APOOL: variants seen among roughly 807,000 people sequenced by gnomAD.
APOOL encodes the protein MICOS complex subunit MIC27.
Under a neutral mutation model 23.1 loss-of-function variants are expected in APOOL, and 12 were observed. That is an observed-to-expected ratio of 0.52 (90% CI 0.33 to 0.84). The LOEUF is 0.84. Among genes scored for constraint, APOOL ranks in the 40% least tolerant of loss-of-function variants. The probability of loss-of-function intolerance (pLI) is 0.02; values close to 1 mark genes in which losing one functional copy is unlikely to be tolerated. For synonymous variants in APOOL, 77 were observed against 69.9 expected, an observed-to-expected ratio of 1.10 and a Z score of -0.51; for missense variants, 212 against 199.6, an observed-to-expected ratio of 1.06 and a Z score of -0.37.
intron 2 of APOOL, among the ~76,000 whole-genome samples, chrX:85,047,780 G>A (rs1050580183): frequency 1.8e-5 from 2 of 110,847 alleles, no homozygotes; most frequent in African/African-American, 6.5e-5. Context: ...ATCTCTTCCC[G>A]CTTTAAGTCA....
chrX:85,069,483 G>A (rs1255505276), intron 6 of APOOL, among the ~76,000 whole-genome samples: 3 of 108,498 alleles, frequency 2.8e-5, no homozygotes, highest in Non-Finnish European at 5.7e-5. Flanking sequence ...GGTGGCAGGC[G>A]CCTGCAATTC....
intron 1 of APOOL, among the ~76,000 whole-genome samples, chrX:85,025,553 G>T (rs1395629323): frequency 8.9e-6 from 1 of 112,281 alleles, no homozygotes; most frequent in Non-Finnish European, 1.9e-5. Flanking sequence ...ATAAAAGACA[G>T]GTTTTTTATT....
At chrX:85,036,065 G>T (rs1922206603) in intron 1 of APOOL, among the ~76,000 whole-genome samples, 1 of 112,136 alleles carries the variant, frequency 8.9e-6, no homozygotes, top group South Asian at 3.7e-4. Context: ...AATTGCTTTG[G>T]GCAGTGTGAC....
chrX:85,060,477 C>T (rs1305976298), intron 5 of APOOL, among the ~76,000 whole-genome samples: 1 of 108,413 alleles, frequency 9.2e-6, no homozygotes, highest in Non-Finnish European at 1.9e-5. Context: ...GGCAGTATGG[C>T]CATTTTCATG....
At position 85,092,133 on chromosome X, in the gene APOOL, A is replaced by C. The variant is rs1924535503; in HGVS notation, c.*4455A>C. 3.6e-6 allele frequency: 1 copy of C among 277,415 alleles called. No individual in the cohort carries two copies. The highest frequency in any genetic ancestry group is 6.0e-5 in the Admixed American group (1 of 16,804). The allele number at this position is 277,415 out of a possible 1,213,427, so 22.9% of individuals were successfully genotyped here. ...TGATGAAATATGATAGGTAAAAAAT[A>C]GCGCAAAGCTAAGTATAAGTGACTT... On this transcript the variant is annotated 3_prime_UTR_variant, in exon 9 of 9. Transcript: ENST00000373173.
At chrX:85,060,403 C>T (rs1170719579) in intron 5 of APOOL, among the ~76,000 whole-genome samples, 1 of 107,092 alleles carries the variant, frequency 9.3e-6, no homozygotes, top group East Asian at 2.9e-4. Flanking sequence ...AGTTTTTTTC[C>T]AATTCTGTGA....
At chrX:85,057,092 C>T (rs1386915828) in intron 5 of APOOL, among the ~76,000 whole-genome samples, 3 of 111,765 alleles carry the variant, frequency 2.7e-5, no homozygotes, top group South Asian at 3.7e-4. Context: ...GGATGTGCCA[C>T]GGTTTACTTT....
rs1219741948 is a variant in APOOL, at chrX:85,015,705, A to G, written c.15+11778A>G. Among the ~76,000 whole-genome samples the G allele has an allele frequency of 2.8e-4, 30 of 109,012 alleles. No homozygotes were observed. The Admixed American group carries it at 3.0e-3, about 11-fold the overall frequency. 94.7% of individuals were successfully genotyped at this position (109,012 alleles called of 115,157 possible). A position where few individuals can be genotyped will look rare whatever the true frequency, so the allele number is the denominator to read the frequency against. ...TGCCTCAGCCTCCCGAGTACCTGGG[A>G]TTATAGGTGTGTGCCACCACGCACG... On this transcript the variant is annotated intron_variant, in intron 1 of 8. Coordinates refer to ENST00000373173, the MANE Select transcript of APOOL (RefSeq NM_198450.6).
At chrX:85,031,247 G>A (rs1486137966) in intron 1 of APOOL, among the ~76,000 whole-genome samples, 2 of 111,528 alleles carry the variant, frequency 1.8e-5, no homozygotes, top group Non-Finnish European at 3.8e-5. Flanking sequence ...CTCCACAAAT[G>A]CTTGGTATAT....
intron 1 of APOOL, among the ~76,000 whole-genome samples, chrX:85,005,394 A>AACCCCCCCCC: frequency 3.9e-4 from 1 of 2,595 alleles, no homozygotes. Context: ...CTCGTGATTC[A>AACCCCCCCCC]CCCCCCCCCC....
chrX:85,019,178 G>C (rs917399628), intron 1 of APOOL, among the ~76,000 whole-genome samples: 1 of 111,972 alleles, frequency 8.9e-6, no homozygotes, highest in Non-Finnish European at 1.9e-5. Flanking sequence ...ATGATCAGTG[G>C]CTGCTATGGT....
intron 5 of APOOL, among the ~76,000 whole-genome samples, chrX:85,060,767 T>G (rs773713275): frequency 9.0e-6 from 1 of 111,625 alleles, no homozygotes; most frequent in African/African-American, 3.3e-5. Flanking sequence ...GTATCAGCTT[T>G]AGGAGATTTT....
intron 5 of APOOL, 76 bp downstream of exon 5, chrX:85,056,001 C>T (rs1481291336): frequency 9.6e-6 from 7 of 727,920 alleles, no homozygotes; most frequent in Middle Eastern, 3.1e-4. Context: ...GAGAAAACCT[C>T]ATATGCTTTA....
At chrX:85,054,280 A>G in intron 3 of APOOL, 64 bp from the exon 4 acceptor site, 2 of 1,022,622 alleles carry the variant, frequency 2.0e-6, no homozygotes, top group South Asian at 2.2e-5. Flanking sequence ...GATGCAGGCA[A>G]TTTTATCTCA....
intron 5 of APOOL, among the ~76,000 whole-genome samples, chrX:85,063,429 C>T (rs1408588193): frequency 9.0e-6 from 1 of 111,478 alleles, no homozygotes; most frequent in Non-Finnish European, 1.9e-5. Context: ...AGAGGGCATC[C>T]TTGTCTTGTG....
chrX:85,082,815 G>A (rs1924158658), intron 8 of APOOL, among the ~76,000 whole-genome samples: 1 of 111,950 alleles, frequency 8.9e-6, no homozygotes, highest in South Asian at 3.7e-4. Flanking sequence ...TAGAGAGAGG[G>A]CATGTGCCAC....
chrX:85,092,631 A>G lies in APOOL; in HGVS notation c.*4953A>G. 1.0e-6 allele frequency: 1 copy of G among 971,589 alleles called. No individual in the cohort carries two copies. The highest frequency in any genetic ancestry group is 1.4e-6 in the Non-Finnish European group (1 of 702,320). 80.1% of individuals were successfully genotyped at this position (971,589 alleles called of 1,213,427 possible). A position where few individuals can be genotyped will look rare whatever the true frequency, so the allele number is the denominator to read the frequency against. The stretch of plus-strand genomic sequence containing the variant: ...TAATCTTCGTTAACACATATATTTT[A>G]TTGAAGGTCTACTCTATGCAAGACA... On this transcript the variant is annotated 3_prime_UTR_variant, in exon 9 of 9. Transcript: ENST00000373173.
intron 1 of APOOL, among the ~76,000 whole-genome samples, chrX:85,045,184 A>G (rs1922533912): frequency 8.9e-6 from 1 of 111,753 alleles, no homozygotes; most frequent in Non-Finnish European, 1.9e-5. Flanking sequence ...GATGTCTTTA[A>G]GGGATGCATG....
chrX:85,076,799 A>C (rs922426466), intron 8 of APOOL, among the ~76,000 whole-genome samples: 2 of 108,014 alleles, frequency 1.9e-5, no homozygotes, highest in African/African-American at 6.8e-5. Context: ...CATGTACATT[A>C]ATGGAGAAAA....
Sources: gnomAD v4.1 joint callset for allele counts (sites outside exome capture counted in the v4.1 genomes callset) on GRCh38, gnomAD v4.1.1 for gene constraint, MANE v1.5 for transcripts, NCBI Gene and HGNC (gene_info 2026-07-23, HGNC 2026-07-21) for gene names.